The following FRMD4A variants were observed in gnomAD, a reference collection of about 807,000 sequenced individuals.
FRMD4A encodes FERM domain containing 4A.
Under a neutral mutation model 129.1 loss-of-function variants are expected in FRMD4A, and 29 were observed. The ratio of observed to expected loss-of-function variants is 0.22; its 90% CI spans 0.17 to 0.31. FRMD4A has a LOEUF of 0.31. Ranked by LOEUF, FRMD4A falls within the 10% of genes least tolerant of loss-of-function variation. The pLI, the probability that FRMD4A is intolerant of heterozygous loss-of-function variation, is 1.00. For synonymous variants in FRMD4A, 634 were observed against 571.6 expected (o/e 1.11, Z -1.56); for missense variants, 1,272 against 1,375.8 (o/e 0.92, Z 1.19).
In FRMD4A at chr10:13,821,659, G is replaced by A. The variant is rs972272689; in HGVS notation, c.112-10751C>T. The stretch of plus-strand genomic sequence containing the variant: ...AAGTAGACACCAGGATTGCCCCCAT[G>A]TGATAGAGGGAACTGAGATACAGCC... On this transcript the variant is annotated intron_variant, in intron 3 of 24. Transcript: ENST00000357447. The surrounding 1 kb of genome is among the most constrained non-coding windows in gnomAD (Gnocchi z 4.3). Among the ~76,000 whole-genome samples the A allele has an allele frequency of 6.6e-6, 1 of 152,188 alleles. No homozygotes were observed. The highest frequency in any genetic ancestry group is 2.4e-5 in the African/African-American group (1 of 41,432).
At chr10:13,799,961 C>T (rs930887335) in intron 4 of FRMD4A, among the ~76,000 whole-genome samples, 24 of 151,894 alleles carry the variant, frequency 1.6e-4, no homozygotes, top group African/African-American at 4.6e-4. Context: ...AGGCGGATCA[C>T]GAGGTCAGGA....
chr10:14,131,224 C>T (rs4750467), intron 2 of FRMD4A, among the ~76,000 whole-genome samples: 99,777 of 152,040 alleles, frequency 0.66, 33,219 homozygotes, highest in East Asian at 0.8. Flanking sequence ...TCTCCTCTAA[C>T]GACAACACAT....
At position 13,821,091 on chromosome 10, in the gene FRMD4A, A is replaced by G. The variant is rs1286050530; in HGVS notation, c.112-10183T>C. Among the ~76,000 whole-genome samples, 2 of 152,122 alleles carry G rather than the reference A, an allele frequency of 1.3e-5. No homozygotes were observed. The highest frequency in any genetic ancestry group is 2.4e-5 in the African/African-American group (1 of 41,418). ...CCCCATGGGGGCTCTGAGCCCAGCA[A>G]TGGCTCAGCGGCTGCTCATTATTCC... On this transcript the variant is annotated intron_variant, in intron 3 of 24. Transcript: ENST00000357447. The surrounding 1 kb of genome is among the most constrained non-coding windows in gnomAD (Gnocchi z 4.3).
chr10:13,726,966 C>T (rs2104490), intron 12 of FRMD4A, among the ~76,000 whole-genome samples: 50,524 of 151,864 alleles, frequency 0.33, 8,498 homozygotes, highest in Admixed American at 0.37. Flanking sequence ...TGCGATGGCA[C>T]GACCTCGGCC....
chr10:13,966,378 C>A (rs2095485399), intron 2 of FRMD4A, among the ~76,000 whole-genome samples: 1 of 152,150 alleles, frequency 6.6e-6, no homozygotes, highest in Non-Finnish European at 1.5e-5. Flanking sequence ...GCGGTTTTTG[C>A]TGTAATTAAA....
chr10:13,835,666 T>C (rs1351879828), intron 3 of FRMD4A, among the ~76,000 whole-genome samples: 4 of 152,306 alleles, frequency 2.6e-5, no homozygotes, highest in Non-Finnish European at 4.4e-5. Context: ...GATGTGTCAC[T>C]GTCTCCCATC....
chr10:14,049,433 G>A (rs891304293), intron 2 of FRMD4A, among the ~76,000 whole-genome samples: 2 of 152,162 alleles, frequency 1.3e-5, no homozygotes, highest in Non-Finnish European at 2.9e-5. Context: ...GGTGGACTCC[G>A]ACCTTTTAAA....
At chr10:14,088,785 C>CA (rs58056105) in intron 2 of FRMD4A, among the ~76,000 whole-genome samples, 856 of 73,772 alleles carry the variant, frequency 0.012, 29 homozygotes, top group Admixed American at 0.016. Context: ...GACTCTGTCT[C>CA]AAAAAAAAAA....
At chr10:13,933,191 T>A (rs1321012200) in intron 2 of FRMD4A, among the ~76,000 whole-genome samples, 2 of 151,492 alleles carry the variant, frequency 1.3e-5, no homozygotes, top group African/African-American at 2.4e-5. Context: ...GGCAGGAAAA[T>A]AGGGTCTGGA....
At chr10:13,972,165 C>T in intron 2 of FRMD4A, 1 of 1,043,452 alleles carries the variant, frequency 9.6e-7, no homozygotes, top group Non-Finnish European at 1.2e-6. Context: ...TCAAACAGAA[C>T]TTAGGGAAGA....
chr10:13,884,200 A>ACACACTCT (rs2094589029), intron 2 of FRMD4A, among the ~76,000 whole-genome samples: 1 of 55,896 alleles, frequency 1.8e-5, no homozygotes, highest in Non-Finnish European at 3.8e-5. Flanking sequence ...ACACACTCAC[A>ACACACTCT]CACACACTCA....
At chr10:14,004,214 G>C (rs905146167) in intron 2 of FRMD4A, among the ~76,000 whole-genome samples, 4 of 152,190 alleles carry the variant, frequency 2.6e-5, no homozygotes, top group Non-Finnish European at 4.4e-5. Context: ...GAGACAGGGA[G>C]GTGTGTCTAA....
chr10:14,177,326 T>G (rs1295029232), intron 2 of FRMD4A, among the ~76,000 whole-genome samples: 14 of 152,054 alleles, frequency 9.2e-5, no homozygotes, highest in Non-Finnish European at 1.6e-4. Flanking sequence ...GCCTCCACCA[T>G]GCCCAGCTAA....
chr10:13,705,980 G>T (rs2087392730), intron 13 of FRMD4A, among the ~76,000 whole-genome samples: 1 of 152,164 alleles, frequency 6.6e-6, no homozygotes. Flanking sequence ...AGGGGCTACT[G>T]CACAGGTCCA....
At chr10:13,674,141 G>A (rs1464942977) in intron 16 of FRMD4A, among the ~76,000 whole-genome samples, 2 of 152,210 alleles carry the variant, frequency 1.3e-5, no homozygotes, top group African/African-American at 2.4e-5. Context: ...CCAGATCACA[G>A]GGTCTAAAGG....
At chr10:14,064,485 T>G (rs7904460) in intron 2 of FRMD4A, among the ~76,000 whole-genome samples, 117,685 of 152,184 alleles carry the variant, frequency 0.77, 45,669 homozygotes, top group African/African-American at 0.8. Context: ...CTTGGGAAAT[T>G]CTGATTCCTT....
chr10:13,749,922 C>T (rs1383271614), intron 8 of FRMD4A, among the ~76,000 whole-genome samples: 4 of 150,116 alleles, frequency 2.7e-5, no homozygotes, highest in South Asian at 4.3e-4. Context: ...ACACCACACT[C>T]CAGCCTGGGT....
chr10:14,035,064 C>A (rs527735950), intron 2 of FRMD4A, among the ~76,000 whole-genome samples: 4 of 152,086 alleles, frequency 2.6e-5, no homozygotes, highest in Non-Finnish European at 5.9e-5. Context: ...AAATTAAATA[C>A]CGGGGGGACC....
intron 2 of FRMD4A, among the ~76,000 whole-genome samples, chr10:14,251,231 A>T (rs1394301331): frequency 6.6e-6 from 1 of 152,216 alleles, no homozygotes; most frequent in East Asian, 1.9e-4. Flanking sequence ...GCAGAAGTCA[A>T]GGAGTGTCAC....
Sources: gnomAD v4.1 joint callset for allele counts (sites outside exome capture counted in the v4.1 genomes callset) on GRCh38, gnomAD v4.1.1 for gene constraint, Gnocchi (gnomAD v3.1) non-coding constraint, MANE v1.5 for transcripts, NCBI Gene and HGNC (gene_info 2026-07-23, HGNC 2026-07-21) for gene names.